The following PPP2CA variants were observed in gnomAD, a reference collection of about 807,000 sequenced individuals.
PPP2CA encodes the protein serine/threonine-protein phosphatase 2A catalytic subunit alpha isoform.
In PPP2CA, 5 loss-of-function variants were observed where a neutral mutation model predicts 38.8. That is an observed-to-expected ratio of 0.13 (90% CI 0.07 to 0.27). The LOEUF (loss-of-function observed/expected upper bound fraction) is 0.27. Among genes scored for constraint, PPP2CA ranks in the 10% least tolerant of loss-of-function variants. The pLI, the probability that PPP2CA is intolerant of heterozygous loss-of-function variation, is 1.00. For missense variants in PPP2CA, 88 were observed against 389.7 expected, an observed-to-expected ratio of 0.23 and a Z score of 6.52; for synonymous variants, 152 against 134.0, an observed-to-expected ratio of 1.13 and a Z score of -0.93.
intron 2 of PPP2CA, chr5:134,205,545 C>T (rs1408332746): frequency 1.1e-5 from 1 of 87,632 alleles, no homozygotes; most frequent in Non-Finnish European, 2.6e-5. Flanking sequence ...CCACCCCCGG[C>T]TAGTTTTTTG....
chr5:134,195,997 G>A lies in PPP2CA; in HGVS notation c.*1775C>T, dbSNP rs1761841357. ...TATTAAAACCACTGCACATGGATAA[G>A]CTATTTGTTCAGTCGGAGAGAAAGG... On this transcript the variant is annotated 3_prime_UTR_variant, in exon 7 of 7. Coordinates refer to ENST00000481195, the MANE Select transcript of PPP2CA (RefSeq NM_002715.4). 6.6e-6 allele frequency: 1 copy of A among 152,156 alleles called. No homozygotes were observed. The highest frequency in any genetic ancestry group is 2.4e-5 in the African/African-American group (1 of 41,424). The allele number at this position is 152,156 out of a possible 1,614,324, so 9.4% of individuals were successfully genotyped here. A position where few individuals can be genotyped will look rare whatever the true frequency, so the allele number is the denominator to read the frequency against.
At chr5:134,207,319 T>C (rs1580642017) in intron 1 of PPP2CA, among the ~76,000 whole-genome samples, 1 of 152,110 alleles carries the variant, frequency 6.6e-6, no homozygotes, top group African/African-American at 2.4e-5. Context: ...GCAGGAGAAT[T>C]GCTTAAACTT....
rs1314656384 is a variant in PPP2CA, at chr5:134,213,974, C to G, written c.103-7843G>C. 2.0e-5 allele frequency among the ~76,000 whole-genome samples: 3 copies of G among 151,894 alleles called. No individual in the cohort carries two copies. The East Asian group carries it at 5.8e-4, about 29-fold the overall frequency. ...TAAAACCCCATCTCTACTAAAAATA[C>G]AAAAATCAGCCAGGTAAGATGGCAC... On this transcript the variant is annotated intron_variant, in intron 1 of 6. Coordinates refer to ENST00000481195, the MANE Select transcript of PPP2CA (RefSeq NM_002715.4).
chr5:134,201,812 C>G, intron 3 of PPP2CA, 36 bp downstream of exon 3: 1 of 1,593,492 alleles, frequency 6.3e-7, no homozygotes, highest in Non-Finnish European at 8.6e-7. Context: ...AGCAGATTCT[C>G]TGAAATAATC....
At chr5:134,224,201 G>A (rs906249573) in intron 1 of PPP2CA, 5 of 443,080 alleles carry the variant, frequency 1.1e-5, no homozygotes, top group Admixed American at 5.1e-5. Flanking sequence ...ATTAAGACCT[G>A]GCAATATACA....
At chr5:134,217,778 A>G (rs1307594519) in intron 1 of PPP2CA, among the ~76,000 whole-genome samples, 1 of 152,246 alleles carries the variant, frequency 6.6e-6, no homozygotes, top group South Asian at 2.1e-4. Context: ...GTGTTGCTTA[A>G]TCGCAGGGAT....
intron 1 of PPP2CA, chr5:134,224,180 A>T (rs1253618290): frequency 7.0e-6 from 3 of 425,860 alleles, no homozygotes; most frequent in Non-Finnish European, 1.4e-5. Context: ...CATCATGTAC[A>T]GTACCTAGAA....
At chr5:134,218,722 G>A (rs1484332933) in intron 1 of PPP2CA, among the ~76,000 whole-genome samples, 1 of 149,950 alleles carries the variant, frequency 6.7e-6, no homozygotes, top group Non-Finnish European at 1.5e-5. Context: ...AGGCTGGAGT[G>A]CAGGGGCACG....
intron 6 of PPP2CA, among the ~76,000 whole-genome samples, chr5:134,198,627 G>A (rs1045058775): frequency 6.6e-6 from 1 of 152,058 alleles, no homozygotes; most frequent in African/African-American, 2.4e-5. Context: ...ACGCAGTGGC[G>A]CGATCTTGGC....
chr5:134,198,330 T>C (rs1660330798), intron 6 of PPP2CA, among the ~76,000 whole-genome samples: 1 of 151,782 alleles, frequency 6.6e-6, no homozygotes, highest in African/African-American at 2.4e-5. Flanking sequence ...GAGGCAGAGC[T>C]TGCAGTCAGC....
intron 1 of PPP2CA, among the ~76,000 whole-genome samples, chr5:134,216,400 C>T (rs1270583037): frequency 6.6e-6 from 1 of 151,638 alleles, no homozygotes; most frequent in Admixed American, 6.6e-5. Context: ...ATTAGCTGGG[C>T]ATGGTGGTGC....
intron 1 of PPP2CA, among the ~76,000 whole-genome samples, chr5:134,212,280 T>G (rs1211982413): frequency 1.3e-5 from 2 of 152,228 alleles, no homozygotes; most frequent in Non-Finnish European, 1.5e-5. Context: ...CCCACCAGCA[T>G]GTGCTCACTT....
intron 1 of PPP2CA, among the ~76,000 whole-genome samples, chr5:134,208,598 C>T (rs991737298): frequency 6.6e-6 from 1 of 151,934 alleles, no homozygotes; most frequent in Non-Finnish European, 1.5e-5. Context: ...TAAATATAAT[C>T]GAGTCAACAG....
Position 134,195,439 on chromosome 5 carries a change from G to A in PPP2CA, c.*2333C>T, listed in dbSNP as rs74659792. ...ATTTTCATATTTTTTGTAGAGATGG[G>A]GTTTTGCCATGTTGGCCAGGCTGCT... On this transcript the variant is annotated 3_prime_UTR_variant, in exon 7 of 7. Transcript: ENST00000481195. 3 of 152,260 alleles carry A rather than the reference G, an allele frequency of 2.0e-5. No individual in the cohort carries two copies. Among genetic ancestry groups the A allele is most frequent in the African/African-American group, 7.2e-5 (3 of 41,494 alleles). The allele number at this position is 152,260 out of a possible 1,614,324, so 9.4% of individuals were successfully genotyped here.
At chr5:134,215,880 C>T (rs1762308783) in intron 1 of PPP2CA, among the ~76,000 whole-genome samples, 1 of 152,146 alleles carries the variant, frequency 6.6e-6, no homozygotes, top group Admixed American at 6.5e-5. Context: ...GAGATAATAA[C>T]CCTTATTCTT....
intron 1 of PPP2CA, among the ~76,000 whole-genome samples, chr5:134,216,030 T>C (rs1413113357): frequency 6.6e-6 from 1 of 152,174 alleles, no homozygotes; most frequent in Admixed American, 6.5e-5. Flanking sequence ...AAGCACTGTT[T>C]TTAAGATAAT....
intron 1 of PPP2CA, among the ~76,000 whole-genome samples, chr5:134,209,337 G>A (rs1291714137): frequency 3.3e-5 from 5 of 151,896 alleles, no homozygotes. Context: ...ATGCAACCTT[G>A]GAAAGAACCA....
At chr5:134,225,686 A>C in intron 1 of PPP2CA, 74 bp downstream of exon 1, 2 of 1,409,130 alleles carry the variant, frequency 1.4e-6, no homozygotes, top group Non-Finnish European at 9.7e-7. Flanking sequence ...GCCATGTTGC[A>C]CCCTCCTCAC....
intron 1 of PPP2CA, 189 bp downstream of exon 1, chr5:134,225,571 C>T: frequency 2.0e-6 from 1 of 509,264 alleles, no homozygotes; most frequent in Non-Finnish European, 3.4e-6. Context: ...CGGCGGCAAC[C>T]AATCCCTGCG....
Sources: gnomAD v4.1 joint callset for allele counts (sites outside exome capture counted in the v4.1 genomes callset) on GRCh38, gnomAD v4.1.1 for gene constraint, MANE v1.5 for transcripts, NCBI Gene and HGNC (gene_info 2026-07-23, HGNC 2026-07-21) for gene names.